Variants in HMGN3 observed in about 807,000 individuals in gnomAD.
HMGN3 encodes the protein high mobility group nucleosomal binding domain 3.
A neutral mutation model predicts 18.8 loss-of-function variants in HMGN3; 6 were observed. That is an observed-to-expected ratio of 0.32 (90% CI 0.18 to 0.63). The LOEUF (loss-of-function observed/expected upper bound fraction) is 0.63, where lower values mean the gene tolerates loss of function less well. HMGN3 is among the 30% of genes least tolerant of loss of function. The probability of loss-of-function intolerance (pLI) is 0.79; values close to 1 mark genes in which losing one functional copy is unlikely to be tolerated. For missense variants in HMGN3, 107 were observed against 114.2 expected, an observed-to-expected ratio of 0.94 and a Z score of 0.29; for synonymous variants, 40 against 36.5, an observed-to-expected ratio of 1.10 and a Z score of -0.35.
At chr6:79,233,645 C>G (rs892691621) in intron 1 of HMGN3, 2 of 152,240 alleles carry the variant, frequency 1.3e-5, no homozygotes, top group South Asian at 2.1e-4. Flanking sequence ...CGAAGCCCCA[C>G]CCCGAGGGAG....
At chr6:79,225,024 T>A (rs147821008) in intron 1 of HMGN3, among the ~76,000 whole-genome samples, 8 of 152,220 alleles carry the variant, frequency 5.3e-5, no homozygotes, top group Non-Finnish European at 1.2e-4. Flanking sequence ...CAGAATATAG[T>A]TTGTTAAAAA....
At chr6:79,219,232 T>C (rs1369787408) in intron 1 of HMGN3, among the ~76,000 whole-genome samples, 2 of 152,170 alleles carry the variant, frequency 1.3e-5, no homozygotes, top group East Asian at 3.9e-4. Context: ...TTATCAGAGT[T>C]AAGGCAGATT....
chr6:79,212,368 C>G (rs917586483), intron 2 of HMGN3, among the ~76,000 whole-genome samples: 1 of 152,172 alleles, frequency 6.6e-6, no homozygotes. Context: ...ATTCACTATT[C>G]TCCTTCCTTA....
intron 2 of HMGN3, among the ~76,000 whole-genome samples, chr6:79,208,858 T>C (rs1008272723): frequency 1.3e-5 from 2 of 152,202 alleles, no homozygotes; most frequent in South Asian, 4.1e-4. Flanking sequence ...AAGATCAACT[T>C]AGGCTTTATC....
chr6:79,208,099 T>TTAC (rs1408910163), intron 3 of HMGN3, among the ~76,000 whole-genome samples: 1 of 152,134 alleles, frequency 6.6e-6, no homozygotes, highest in Non-Finnish European at 1.5e-5. Context: ...AGTAGAATTA[T>TTAC]TACTATTACA....
intron 1 of HMGN3, among the ~76,000 whole-genome samples, chr6:79,225,305 T>C (rs2127836058): frequency 6.6e-6 from 1 of 152,262 alleles, no homozygotes; most frequent in Admixed American, 6.5e-5. Context: ...TTGTATGGGG[T>C]CAAAATAATC....
At chr6:79,207,186 T>C (rs1290062112) in intron 3 of HMGN3, among the ~76,000 whole-genome samples, 1 of 152,084 alleles carries the variant, frequency 6.6e-6, no homozygotes, top group Non-Finnish European at 1.5e-5. Flanking sequence ...TGGGAAGGCA[T>C]GATTGGTTTT....
At chr6:79,232,441 T>A (rs538978322) in intron 1 of HMGN3, among the ~76,000 whole-genome samples, 2 of 152,006 alleles carry the variant, frequency 1.3e-5, no homozygotes, top group South Asian at 4.2e-4. Context: ...CAAGGAGAGG[T>A]TTTCCATCAC....
chr6:79,213,231 G>A (rs1171527828), intron 2 of HMGN3, among the ~76,000 whole-genome samples: 1 of 151,724 alleles, frequency 6.6e-6, no homozygotes, highest in Non-Finnish European at 1.5e-5. Context: ...ATGACAGAGT[G>A]AGATGCTATC....
chr6:79,225,063 T>G (rs1295823937), intron 1 of HMGN3, among the ~76,000 whole-genome samples: 2 of 152,226 alleles, frequency 1.3e-5, no homozygotes, highest in Non-Finnish European at 2.9e-5. Context: ...ATATGGAACT[T>G]AAGGAGCCTT....
intron 4 of HMGN3, among the ~76,000 whole-genome samples, chr6:79,202,709 G>A (rs1175534705): frequency 6.6e-6 from 1 of 152,200 alleles, no homozygotes; most frequent in Non-Finnish European, 1.5e-5. Flanking sequence ...CTGCCATGGA[G>A]AGAGCAGCTG....
chr6:79,219,170 C>T (rs933524955), intron 1 of HMGN3, among the ~76,000 whole-genome samples: 14 of 152,058 alleles, frequency 9.2e-5, no homozygotes, highest in African/African-American at 3.4e-4. Context: ...TACAACAGGA[C>T]ATATTGTAAT....
intron 1 of HMGN3, among the ~76,000 whole-genome samples, chr6:79,229,159 C>T (rs573410999): frequency 6.6e-6 from 1 of 152,156 alleles, no homozygotes; most frequent in South Asian, 2.1e-4. Flanking sequence ...CATCCATAAC[C>T]TTGAATTAGG....
intron 3 of HMGN3, among the ~76,000 whole-genome samples, chr6:79,207,394 T>C (rs1241899509): frequency 6.6e-6 from 1 of 152,142 alleles, no homozygotes; most frequent in African/African-American, 2.4e-5. Flanking sequence ...TCTGGTGAGA[T>C]CTGATGGTTT....
intron 1 of HMGN3, 94 bp from the exon 2 acceptor site, chr6:79,215,116 C>T: frequency 1.3e-6 from 1 of 747,748 alleles, no homozygotes; most frequent in Non-Finnish European, 2.2e-6. Flanking sequence ...CAGGACAAGA[C>T]AAGCCAACAG....
intron 1 of HMGN3, among the ~76,000 whole-genome samples, chr6:79,230,583 T>G (rs1257694351): frequency 6.6e-6 from 1 of 152,216 alleles, no homozygotes; most frequent in Non-Finnish European, 1.5e-5. Context: ...TTATTCTTAA[T>G]ATTGTACATT....
chr6:79,219,015 A>G (rs1189932175), intron 1 of HMGN3, among the ~76,000 whole-genome samples: 1 of 152,162 alleles, frequency 6.6e-6, no homozygotes, highest in African/African-American at 2.4e-5. Flanking sequence ...ACAACTATCT[A>G]ATAGGCATTT....
At chr6:79,234,337 G>A (rs539191842) in intron 1 of HMGN3, 9 of 461,882 alleles carry the variant, frequency 1.9e-5, no homozygotes, top group African/African-American at 1.8e-4. Context: ...TGGAGAGAAA[G>A]TAACATTAAG....
intron 1 of HMGN3, among the ~76,000 whole-genome samples, chr6:79,225,513 A>G (rs1489349411): frequency 6.6e-6 from 1 of 152,186 alleles, no homozygotes; most frequent in Non-Finnish European, 1.5e-5. Flanking sequence ...CCCAGTCCCT[A>G]AGTAATGACA....
Sources: allele counts gnomAD v4.1 joint callset (sites outside exome capture counted in the v4.1 genomes callset), GRCh38; gene constraint gnomAD v4.1.1; transcripts MANE v1.5; gene names NCBI Gene and HGNC (gene_info 2026-07-23, HGNC 2026-07-21).